Variants in MRAP2 observed in about 807,000 individuals in gnomAD.
MRAP2 encodes the protein melanocortin-2 receptor accessory protein 2.
MRAP2 carries 20 observed loss-of-function variants against 17.4 expected under a neutral mutation model. The ratio of observed to expected loss-of-function variants is 1.15; its 90% CI spans 0.81 to 1.67. MRAP2 has a LOEUF of 1.67. Ranked by LOEUF, MRAP2 falls within the 40% of genes most tolerant of loss-of-function variation. MRAP2 has a pLI of 0.00. For synonymous variants in MRAP2, 96 were observed against 88.4 expected, an observed-to-expected ratio of 1.09 and a Z score of -0.48; for missense variants, 238 against 240.0, an observed-to-expected ratio of 0.99 and a Z score of 0.05.
chr6:84,136,946 T>TTTC, the MRAP2 span, among the ~76,000 whole-genome samples: 1 of 152,194 alleles, frequency 6.6e-6, no homozygotes, highest in Admixed American at 6.5e-5. Context: ...TGAACTGAAA[T>TTTC]ACTTCATAGG....
chr6:84,118,914 G>A, the MRAP2 span, among the ~76,000 whole-genome samples: 1 of 152,222 alleles, frequency 6.6e-6, no homozygotes, highest in Non-Finnish European at 1.5e-5. Flanking sequence ...GATATCTAGT[G>A]TTCTTGATGC....
the MRAP2 span, among the ~76,000 whole-genome samples, chr6:84,102,805 T>TA: frequency 6.8e-3 from 1,009 of 148,104 alleles, 3 homozygotes; most frequent in African/African-American, 0.015. Context: ...GTTTACAACT[T>TA]AAAAAAAAAA....
the MRAP2 span, among the ~76,000 whole-genome samples, chr6:84,131,746 A>T: frequency 6.6e-6 from 1 of 151,988 alleles, no homozygotes. Context: ...TCTCCACATG[A>T]GATGGGTCTC....
At chr6:84,099,636 C>T in the MRAP2 span, among the ~76,000 whole-genome samples, 1 of 152,122 alleles carries the variant, frequency 6.6e-6, no homozygotes, top group South Asian at 2.1e-4. Flanking sequence ...CTCCCTCTCT[C>T]AGCATGTGAT....
the MRAP2 span, among the ~76,000 whole-genome samples, chr6:84,099,186 T>C: frequency 2.0e-5 from 3 of 151,100 alleles, no homozygotes; most frequent in Admixed American, 6.6e-5. Flanking sequence ...CTTTTCTTTT[T>C]TTTTTTTTTT....
At chr6:84,119,979 G>A in the MRAP2 span, among the ~76,000 whole-genome samples, 6 of 152,166 alleles carry the variant, frequency 3.9e-5, no homozygotes, top group South Asian at 2.1e-4. Context: ...ATGGGAATTG[G>A]TTGACACATG....
the MRAP2 span, among the ~76,000 whole-genome samples, chr6:84,141,816 C>T: frequency 1.3e-5 from 2 of 152,164 alleles, no homozygotes; most frequent in Non-Finnish European, 2.9e-5. Context: ...TCCTTCAGCT[C>T]CAGGCCTTCT....
chr6:84,144,780 T>C, the MRAP2 span, among the ~76,000 whole-genome samples: 1 of 152,170 alleles, frequency 6.6e-6, no homozygotes, highest in Non-Finnish European at 1.5e-5. Context: ...CACTGCTGAT[T>C]CTTTAATATT....
chr6:84,094,370 C>T (rs2099502302), downstream of MRAP2, among the ~76,000 whole-genome samples: 1 of 152,144 alleles, frequency 6.6e-6, no homozygotes, highest in South Asian at 2.1e-4. Context: ...AATCCTGATT[C>T]CTCTTCACTT....
the MRAP2 span, among the ~76,000 whole-genome samples, chr6:84,111,095 G>C: frequency 1.3e-5 from 2 of 151,980 alleles, no homozygotes; most frequent in Admixed American, 1.3e-4. Flanking sequence ...CTGTTTTTTT[G>C]GTTCCCTATG....
chr6:84,124,028 C>T, the MRAP2 span, among the ~76,000 whole-genome samples: 1 of 151,920 alleles, frequency 6.6e-6, no homozygotes, highest in Non-Finnish European at 1.5e-5. Context: ...TTATACCAGT[C>T]ACAATGGTTA....
At chr6:84,065,915 C>T (rs2099494563) in intron 3 of MRAP2, among the ~76,000 whole-genome samples, 1 of 152,114 alleles carries the variant, frequency 6.6e-6, no homozygotes, top group Admixed American at 6.5e-5. Flanking sequence ...GGACTGTCTC[C>T]ACCCTGCCAG....
intron 1 of MRAP2, chr6:84,052,894 C>G (rs1276805427): frequency 3.6e-6 from 2 of 549,990 alleles, no homozygotes; most frequent in African/African-American, 4.1e-5. Flanking sequence ...TTTGGTAATG[C>G]CCTTTAGTAA....
the MRAP2 span, among the ~76,000 whole-genome samples, chr6:84,106,300 G>A: frequency 6.6e-6 from 1 of 152,158 alleles, no homozygotes. Context: ...AGTGGTTGGT[G>A]GTTTTGGCAG....
the MRAP2 span, among the ~76,000 whole-genome samples, chr6:84,133,255 G>A: frequency 2.0e-5 from 3 of 152,206 alleles, no homozygotes; most frequent in Non-Finnish European, 4.4e-5. Context: ...GCTGTATGAG[G>A]TGTCAGTTGG....
chr6:84,069,648 G>C (rs2099495697), intron 3 of MRAP2, among the ~76,000 whole-genome samples: 1 of 152,094 alleles, frequency 6.6e-6, no homozygotes, highest in African/African-American at 2.4e-5. Flanking sequence ...CTATCTTGTG[G>C]AATAGTGTCA....
chr6:84,144,472 G>A, the MRAP2 span, among the ~76,000 whole-genome samples: 3 of 152,082 alleles, frequency 2.0e-5, no homozygotes, highest in Non-Finnish European at 4.4e-5. Flanking sequence ...CTAGTTTAAA[G>A]TCTTATCATC....
chr6:84,067,179 T>A (rs1157206966), intron 3 of MRAP2, among the ~76,000 whole-genome samples: 1 of 152,216 alleles, frequency 6.6e-6, no homozygotes, highest in Admixed American at 6.5e-5. Flanking sequence ...AATAACAGTC[T>A]CCAGTCCCAT....
At chr6:84,059,998 C>G (rs896377258) in intron 2 of MRAP2, among the ~76,000 whole-genome samples, 6 of 152,038 alleles carry the variant, frequency 3.9e-5, no homozygotes, top group Non-Finnish European at 8.8e-5. Context: ...TCTGATGTTT[C>G]TTGTAAGAGG....
Sources: allele counts gnomAD v4.1 joint callset (sites outside exome capture counted in the v4.1 genomes callset), GRCh38; gene constraint gnomAD v4.1.1; transcripts MANE v1.5; gene names NCBI Gene and HGNC (gene_info 2026-07-23, HGNC 2026-07-21).